The following ECT2L variants were observed in gnomAD, a reference collection of about 807,000 sequenced individuals.
ECT2L encodes the protein epithelial cell-transforming sequence 2 oncogene-like.
In ECT2L, 126 loss-of-function variants were observed where a neutral mutation model predicts 122.8. The observed-to-expected ratio is 1.03, with a 90% confidence interval of 0.89 to 1.19. The LOEUF (loss-of-function observed/expected upper bound fraction) is 1.19, where lower values mean the gene tolerates loss of function less well. Among genes scored for constraint, ECT2L ranks in the 50% most tolerant of loss-of-function variants. The pLI is 0.00. For missense variants in ECT2L, 1,012 were observed against 1,064.1 expected (o/e 0.95, Z 0.68); for synonymous variants, 385 against 381.8 (o/e 1.01, Z -0.10).
At chr6:138,860,023 C>G (rs1056251891) in intron 10 of ECT2L, among the ~76,000 whole-genome samples, 1 of 152,078 alleles carries the variant, frequency 6.6e-6, no homozygotes, top group Non-Finnish European at 1.5e-5. Flanking sequence ...CAGGGTTTCA[C>G]CATGTTGGCC....
chr6:138,810,497 A>G (rs941438675), intron 1 of ECT2L, among the ~76,000 whole-genome samples: 3 of 152,222 alleles, frequency 2.0e-5, no homozygotes, highest in African/African-American at 4.8e-5. Flanking sequence ...AGAGAAAAAA[A>G]TGTCTCTAAA....
intron 6 of ECT2L, among the ~76,000 whole-genome samples, chr6:138,843,692 T>G (rs1029682499): frequency 1.3e-5 from 2 of 152,092 alleles, no homozygotes; most frequent in Non-Finnish European, 2.9e-5. Context: ...CCTATTTATT[T>G]ATTTATTTAT....
At chr6:138,851,666 GTTAT>G (rs1479123582) in intron 9 of ECT2L, among the ~76,000 whole-genome samples, 1 of 151,694 alleles carries the variant, frequency 6.6e-6, no homozygotes, top group Non-Finnish European at 1.5e-5. Context: ...TAAAAATTGG[GTTAT>G]TTGATTTTTT....
At chr6:138,829,379 A>G (rs1776573042) in intron 4 of ECT2L, among the ~76,000 whole-genome samples, 1 of 152,208 alleles carries the variant, frequency 6.6e-6, no homozygotes, top group Admixed American at 6.5e-5. Flanking sequence ...ACTAAAAATA[A>G]CTTTAAAGAA....
chr6:138,837,486 C>T (rs79963737), intron 4 of ECT2L, among the ~76,000 whole-genome samples: 5,904 of 152,156 alleles, frequency 0.039, 145 homozygotes, highest in African/African-American at 0.072. Flanking sequence ...GGAGAAATGA[C>T]TGGCATTTCA....
intron 4 of ECT2L, among the ~76,000 whole-genome samples, chr6:138,816,010 T>C (rs1776055451): frequency 6.6e-6 from 1 of 152,196 alleles, no homozygotes; most frequent in Non-Finnish European, 1.5e-5. Flanking sequence ...CCTGGCTCTG[T>C]TGAAAGAGGC....
intron 4 of ECT2L, among the ~76,000 whole-genome samples, chr6:138,825,721 C>T (rs566401883): frequency 6.6e-6 from 1 of 152,266 alleles, no homozygotes; most frequent in South Asian, 2.1e-4. Context: ...CCGATTAGAC[C>T]AATTAGCCAG....
At chr6:138,870,978 G>T (rs1778232873) in intron 13 of ECT2L, among the ~76,000 whole-genome samples, 1 of 152,200 alleles carries the variant, frequency 6.6e-6, no homozygotes, top group Non-Finnish European at 1.5e-5. Flanking sequence ...GGGAGGTTCA[G>T]TGAGCAGAGG....
At chr6:138,843,307 G>A in intron 6 of ECT2L, 76 bp downstream of exon 6, 2 of 1,433,236 alleles carry the variant, frequency 1.4e-6, no homozygotes, top group South Asian at 1.5e-5. Flanking sequence ...AATTCCCACA[G>A]AGGACAGCCC....
chr6:138,860,422 G>A (rs892381397), intron 10 of ECT2L, among the ~76,000 whole-genome samples: 1 of 151,224 alleles, frequency 6.6e-6, no homozygotes, highest in Non-Finnish European at 1.5e-5. Context: ...AATTTCATTT[G>A]CACCTTTGTT....
chr6:138,868,323 G>A, intron 13 of ECT2L, 117 bp downstream of exon 13: 2 of 767,938 alleles, frequency 2.6e-6, no homozygotes, highest in Non-Finnish European at 2.0e-6. Flanking sequence ...GTTCCTCAGA[G>A]AAATTACATC....
intron 1 of ECT2L, among the ~76,000 whole-genome samples, chr6:138,806,509 C>T (rs986751956): frequency 1.1e-4 from 5 of 43,634 alleles, no homozygotes; most frequent in African/African-American, 2.7e-4. Context: ...TGAAAATTCA[C>T]GCTTTTTTTT....
At chr6:138,839,072 A>G (rs539007001) in intron 5 of ECT2L, among the ~76,000 whole-genome samples, 2 of 152,122 alleles carry the variant, frequency 1.3e-5, no homozygotes, top group African/African-American at 4.8e-5. Context: ...GAGCCACCGC[A>G]CCCGGCCAAG....
At position 138,843,012 on chromosome 6, in the gene ECT2L, G is replaced by A. The variant is rs775524054; in HGVS notation, c.376G>A (p.Gly126Arg). 14 of 1,566,646 alleles carry A rather than the reference G, an allele frequency of 8.9e-6. No individual in the cohort carries two copies. Among genetic ancestry groups the A allele is most frequent in the African/African-American group, 4.1e-5 (3 of 74,040 alleles). ...CLWMPKCVKF[G>R]WFLPYTPTDN... ...ATGGATGCCCAAATGCGTTAAGTTCGGATGGTTTCTGCCCTATACTCCAAC... is the reference window on the plus strand; with the variant it reads ...ATGGATGCCCAAATGCGTTAAGTTCAGATGGTTTCTGCCCTATACTCCAAC... Residue 126 changes from glycine to arginine, a missense_variant, in exon 6 of 22, where the codon GGA becomes AGA. Gly to Arg is a moderately radical substitution (Grantham distance 125). Coordinates refer to ENST00000541398, the MANE Select transcript of ECT2L (RefSeq NM_001077706.3).
intron 16 of ECT2L, 27 bp downstream of exon 16, chr6:138,882,898 T>C: frequency 6.2e-7 from 1 of 1,610,828 alleles, no homozygotes; most frequent in Non-Finnish European, 8.5e-7. Flanking sequence ...TCCATCATTC[T>C]ATAAGACCTG....
At chr6:138,878,312 C>T (rs866352234) in intron 14 of ECT2L, among the ~76,000 whole-genome samples, 1,748 of 150,692 alleles carry the variant, frequency 0.012, 18 homozygotes, top group African/African-American at 0.033. Flanking sequence ...TATATACACA[C>T]ACACACACAC....
At chr6:138,810,545 T>C (rs1775859832) in intron 1 of ECT2L, among the ~76,000 whole-genome samples, 1 of 152,208 alleles carries the variant, frequency 6.6e-6, no homozygotes, top group Non-Finnish European at 1.5e-5. Context: ...ATCAAATATA[T>C]AATTTGGGAT....
At chr6:138,838,301 T>C in intron 4 of ECT2L, 51 bp from the exon 5 acceptor site, 1 of 1,465,258 alleles carries the variant, frequency 6.8e-7, no homozygotes, top group Non-Finnish European at 9.1e-7. Context: ...GCTGACTTTT[T>C]AGTAAATTTT....
At chr6:138,847,220 G>C (rs1023805808) in intron 8 of ECT2L, among the ~76,000 whole-genome samples, 4 of 150,892 alleles carry the variant, frequency 2.7e-5, no homozygotes, top group Admixed American at 6.6e-5. Flanking sequence ...TAGTGATCAG[G>C]ACACTGCACT....
Sources: gnomAD v4.1 joint callset for allele counts (sites outside exome capture counted in the v4.1 genomes callset) on GRCh38, gnomAD v4.1.1 for gene constraint, MANE v1.5 for transcripts, NCBI Gene and HGNC (gene_info 2026-07-23, HGNC 2026-07-21) for gene names.